The following RBFOX1 variants were observed in gnomAD, a reference collection of about 807,000 sequenced individuals.
The protein encoded by RBFOX1 is RNA binding fox-1 homolog 1, also known as RNA binding protein fox-1 homolog 1.
RBFOX1 carries 8 observed loss-of-function variants against 57.7 expected under a neutral mutation model. That is an observed-to-expected ratio of 0.14 (90% CI 0.08 to 0.25). RBFOX1 has a LOEUF of 0.25. Among genes scored for constraint, RBFOX1 ranks in the 10% least tolerant of loss-of-function variants. The pLI, the probability that RBFOX1 is intolerant of heterozygous loss-of-function variation, is 1.00. For synonymous variants in RBFOX1, 326 were observed against 222.4 expected, an observed-to-expected ratio of 1.47 and a Z score of -4.15; for missense variants, 611 against 548.5, an observed-to-expected ratio of 1.11 and a Z score of -1.14.
rs182301546 is a variant in RBFOX1 at position 7,197,519 on chromosome 16, C to T, written c.27+145421C>T. Among the ~76,000 whole-genome samples the T allele has an allele frequency of 4.0e-5, 6 of 150,536 alleles. No individual in the cohort carries two copies. In the East Asian group the frequency reaches 1.2e-3, roughly 29 times the overall value. On this transcript the variant is annotated intron_variant, in intron 4 of 15. Transcript: ENST00000550418. ...GATAGTGTAAAACTGTGTGGCCATG[C>T]CTTAAAAAAAGTTAAACATAAAATT...
chr16:6,846,386 G>C (rs894019996), intron 3 of RBFOX1, among the ~76,000 whole-genome samples: 8 of 152,186 alleles, frequency 5.3e-5, no homozygotes, highest in African/African-American at 1.9e-4. Context: ...CTGTATTGCT[G>C]AAAAGCAGGC....
At chr16:7,147,711 A>T (rs185102947) in intron 4 of RBFOX1, among the ~76,000 whole-genome samples, 1 of 152,070 alleles carries the variant, frequency 6.6e-6, no homozygotes, top group Admixed American at 6.5e-5. Flanking sequence ...TCTTTATCCT[A>T]TCTGCCATTG....
intron 1 of RBFOX1, among the ~76,000 whole-genome samples, chr16:5,310,024 G>A (rs2064041989): frequency 6.6e-6 from 1 of 152,184 alleles, no homozygotes; most frequent in Admixed American, 6.5e-5. Context: ...GCTTAGCCAT[G>A]GATGCACTTT....
chr16:5,529,486 T>G (rs2044375517), intron 2 of RBFOX1, among the ~76,000 whole-genome samples: 1 of 150,484 alleles, frequency 6.6e-6, no homozygotes, highest in South Asian at 2.1e-4. Flanking sequence ...ATCCTCTGCC[T>G]CCTAGGTTCA....
At chr16:6,945,796 C>G (rs759913150) in intron 3 of RBFOX1, among the ~76,000 whole-genome samples, 2 of 152,140 alleles carry the variant, frequency 1.3e-5, no homozygotes, top group African/African-American at 4.8e-5. Flanking sequence ...GAGGCCGAGA[C>G]GGGAGAATCG....
rs17139720 is a variant in RBFOX1, at chr16:6,264,277, A to G, written c.-126-52718A>G. Reference sequence around the variant, plus strand: ...AAACTGAGGTCCAAGGAAGTATGCAACCGTTTCCATAACCATGCCATATCC... The same window carrying G: ...AAACTGAGGTCCAAGGAAGTATGCAGCCGTTTCCATAACCATGCCATATCC... On this transcript the variant is annotated intron_variant, in intron 1 of 15. Transcript: ENST00000550418. Among the ~76,000 whole-genome samples, 1,169 of 152,270 alleles carry G rather than the reference A, an allele frequency of 7.7e-3. 13 individuals are homozygous for G. Among genetic ancestry groups the G allele is most frequent in the African/African-American group, 0.026 (1,071 of 41,558 alleles).
intron 1 of RBFOX1, among the ~76,000 whole-genome samples, chr16:5,263,532 C>G (rs1271349082): frequency 6.6e-6 from 1 of 151,980 alleles, no homozygotes; most frequent in Non-Finnish European, 1.5e-5. Context: ...ATACATGGTG[C>G]AAAATATGAG....
intron 1 of RBFOX1, among the ~76,000 whole-genome samples, chr16:5,297,126 A>G (rs2063689373): frequency 6.6e-6 from 1 of 152,150 alleles, no homozygotes; most frequent in African/African-American, 2.4e-5. Flanking sequence ...GTGGTATTCC[A>G]TTGTGTATAT....
At chr16:5,490,265 T>C (rs2042781901) in intron 2 of RBFOX1, among the ~76,000 whole-genome samples, 1 of 152,210 alleles carries the variant, frequency 6.6e-6, no homozygotes, top group Non-Finnish European at 1.5e-5. Flanking sequence ...CAGACACTGG[T>C]AAGTGACATA....
At chr16:6,900,731 C>A (rs13333405) in intron 3 of RBFOX1, among the ~76,000 whole-genome samples, 7 of 152,182 alleles carry the variant, frequency 4.6e-5, no homozygotes, top group Non-Finnish European at 7.3e-5. Context: ...CCGTTCCTAT[C>A]TTTCGTCTAA....
At chr16:5,430,498 GT>G (rs1200876571) in intron 1 of RBFOX1, among the ~76,000 whole-genome samples, 1 of 152,138 alleles carries the variant, frequency 6.6e-6, no homozygotes, top group Non-Finnish European at 1.5e-5. Context: ...AGGCGTTGGG[GT>G]TGGGGAAGAG....
Position 6,810,601 on chromosome 16 carries a change from A to G in RBFOX1, c.-16+155951A>G, listed in dbSNP as rs374442221. ...GAGTTTCATAGTGCTATAAAGAGCT[A>G]TAAAGAACTTCCTGGAGACTGGGTA... On this transcript the variant is annotated intron_variant, in intron 3 of 15. Coordinates refer to ENST00000550418, the MANE Select transcript of RBFOX1 (RefSeq NM_018723.4). Among the ~76,000 whole-genome samples, 9 of 152,246 alleles carry G rather than the reference A, an allele frequency of 5.9e-5. No homozygotes were observed. In the South Asian group the frequency reaches 1.2e-3, roughly 21 times the overall value.
chr16:6,331,402 G>A (rs1007775508), intron 2 of RBFOX1, among the ~76,000 whole-genome samples: 15 of 151,954 alleles, frequency 9.9e-5, no homozygotes, highest in East Asian at 3.9e-4. Flanking sequence ...AGCCAAGTTC[G>A]CACCACTGCA....
intron 3 of RBFOX1, among the ~76,000 whole-genome samples, chr16:5,666,269 G>T (rs79033082): frequency 0.014 from 2,198 of 152,304 alleles, 67 homozygotes; most frequent in African/African-American, 0.049. Flanking sequence ...CATGATTGGA[G>T]CCTCATTATC....
chr16:5,274,607 C>T (rs2063097347), intron 1 of RBFOX1, among the ~76,000 whole-genome samples: 1 of 152,182 alleles, frequency 6.6e-6, no homozygotes, highest in African/African-American at 2.4e-5. Flanking sequence ...TCATACGTCT[C>T]CTCCCTGGTG....
intron 4 of RBFOX1, among the ~76,000 whole-genome samples, chr16:7,385,256 C>G (rs894388000): frequency 6.6e-6 from 1 of 152,076 alleles, no homozygotes; most frequent in Admixed American, 6.6e-5. Context: ...ACCAGTGGGG[C>G]CCAGGAGAAG....
chr16:5,252,350 G>C (rs34600936), intron 1 of RBFOX1, among the ~76,000 whole-genome samples: 74,999 of 152,064 alleles, frequency 0.49, 18,613 homozygotes, highest in East Asian at 0.59. Flanking sequence ...TATATCCCAT[G>C]CAATATTTGG....
intron 1 of RBFOX1, among the ~76,000 whole-genome samples, chr16:6,074,972 A>T (rs901542957): frequency 6.6e-5 from 10 of 152,146 alleles, no homozygotes; most frequent in Admixed American, 1.3e-4. Context: ...GAAGGGTCTG[A>T]TTGGAGTCTG....
At chr16:6,766,214 C>T (rs1603617876) in intron 3 of RBFOX1, among the ~76,000 whole-genome samples, 1 of 152,120 alleles carries the variant, frequency 6.6e-6, no homozygotes, top group Non-Finnish European at 1.5e-5. Context: ...CCCTTCAGTC[C>T]AACCAGAATT....
Sources: gnomAD v4.1 joint callset for allele counts (sites outside exome capture counted in the v4.1 genomes callset) on GRCh38, gnomAD v4.1.1 for gene constraint, MANE v1.5 for transcripts, NCBI Gene and HGNC (gene_info 2026-07-23, HGNC 2026-07-21) for gene names.